Variants in CEP83 observed in about 807,000 individuals in gnomAD.
CEP83 encodes the protein centrosomal protein 83.
CEP83 carries 70 observed loss-of-function variants against 101.9 expected under a neutral mutation model. That is an observed-to-expected ratio of 0.69 (90% CI 0.57 to 0.84). The LOEUF (loss-of-function observed/expected upper bound fraction) is 0.84. CEP83 is among the 40% of genes least tolerant of loss of function. The probability of loss-of-function intolerance (pLI) is 0.00; values close to 1 mark genes in which losing one functional copy is unlikely to be tolerated. For synonymous variants in CEP83, 264 were observed against 267.9 expected (o/e 0.99, Z 0.14); for missense variants, 715 against 787.2 (o/e 0.91, Z 1.10).
chr12:94,330,888 G>A (rs2059169254), intron 14 of CEP83, among the ~76,000 whole-genome samples: 1 of 152,028 alleles, frequency 6.6e-6, no homozygotes, highest in Non-Finnish European at 1.5e-5. Context: ...GGACAGTTTG[G>A]ATTTTCCCAA....
rs150182598 is a variant in CEP83 at position 94,394,270 on chromosome 12, A to G, written c.549+6580T>C. Among the ~76,000 whole-genome samples the G allele has an allele frequency of 4.6e-5, 7 of 152,310 alleles. 1 individual carries two copies. Among genetic ancestry groups the G allele is most frequent in the Admixed American group, 2.0e-4 (3 of 15,300 alleles). On this transcript the variant is annotated intron_variant, in intron 6 of 16. Transcript: ENST00000397809. ...AAACAGCTTTTGGTACTGGTACCAA[A>G]ACAGAGATATAGACCAATGGAACAG...
the CEP83 span, chr12:94,300,789 C>A: frequency 1.3e-6 from 1 of 757,892 alleles, no homozygotes; most frequent in South Asian, 3.0e-5. Context: ...GTATGTTTGG[C>A]TAAGCAGAGT....
At chr12:94,266,282 T>G in the CEP83 span, among the ~76,000 whole-genome samples, 1 of 152,176 alleles carries the variant, frequency 6.6e-6, no homozygotes, top group Non-Finnish European at 1.5e-5. Flanking sequence ...CACTGCCAGA[T>G]GCGGCTCACT....
At chr12:94,343,110 T>C (rs903365640) in intron 11 of CEP83, among the ~76,000 whole-genome samples, 1 of 150,336 alleles carries the variant, frequency 6.7e-6, no homozygotes, top group African/African-American at 2.5e-5. Context: ...TGTATATATA[T>C]ATAGAACTTC....
At chr12:94,312,684 T>C in intron 15 of CEP83, 1 of 985,402 alleles carries the variant, frequency 1.0e-6, no homozygotes, top group Non-Finnish European at 1.2e-6. Context: ...TGACATTTTC[T>C]GTTAGTCCCA....
At chr12:94,413,589 T>C (rs1309459528) in intron 2 of CEP83, among the ~76,000 whole-genome samples, 1 of 152,164 alleles carries the variant, frequency 6.6e-6, no homozygotes, top group Non-Finnish European at 1.5e-5. Context: ...AGACTACAGA[T>C]TCACATGAGA....
chr12:94,404,855 C>T (rs1173209352), intron 4 of CEP83, among the ~76,000 whole-genome samples: 4 of 152,162 alleles, frequency 2.6e-5, no homozygotes, highest in Admixed American at 6.5e-5. Flanking sequence ...TACAGATACA[C>T]AAGCATGTAT....
chr12:94,427,843 C>T (rs531334088), intron 2 of CEP83, among the ~76,000 whole-genome samples: 1 of 152,270 alleles, frequency 6.6e-6, no homozygotes, highest in South Asian at 2.1e-4. Context: ...GATAATCCTG[C>T]ACTAGTCACC....
At chr12:94,335,734 G>T in intron 11 of CEP83, 70 bp from the exon 12 acceptor site, 1 of 1,024,372 alleles carries the variant, frequency 9.8e-7, no homozygotes, top group South Asian at 1.5e-5. Context: ...GAATTAAAGA[G>T]TCATTTTATT....
chr12:94,356,304 A>T (rs2060471726), intron 11 of CEP83, among the ~76,000 whole-genome samples: 1 of 152,214 alleles, frequency 6.6e-6, no homozygotes, highest in Non-Finnish European at 1.5e-5. Context: ...AGTATAGTGA[A>T]GTAACAGAAG....
At chr12:94,300,334 T>A in the CEP83 span, among the ~76,000 whole-genome samples, 37 of 152,194 alleles carry the variant, frequency 2.4e-4, no homozygotes, top group African/African-American at 8.2e-4. Context: ...GGAGAGGGCA[T>A]AAACCATGAG....
chr12:94,355,684 T>A (rs745442322), intron 11 of CEP83, among the ~76,000 whole-genome samples: 6 of 152,168 alleles, frequency 3.9e-5, no homozygotes, highest in Non-Finnish European at 7.3e-5. Flanking sequence ...ATGGCCATAA[T>A]GTCCAAGCTG....
intron 14 of CEP83, among the ~76,000 whole-genome samples, chr12:94,318,046 A>G (rs1181818751): frequency 1.3e-5 from 2 of 152,150 alleles, no homozygotes; most frequent in Admixed American, 6.6e-5. Context: ...GATTCTTCCT[A>G]TCCATGAGCA....
At chr12:94,322,991 G>A (rs747590934) in intron 14 of CEP83, among the ~76,000 whole-genome samples, 1 of 152,138 alleles carries the variant, frequency 6.6e-6, no homozygotes, top group Non-Finnish European at 1.5e-5. Flanking sequence ...TAGGGTGGCT[G>A]CAATGAAGGC....
At chr12:94,404,140 T>C (rs2063408546) in intron 4 of CEP83, among the ~76,000 whole-genome samples, 1 of 152,146 alleles carries the variant, frequency 6.6e-6, no homozygotes, top group South Asian at 2.1e-4. Flanking sequence ...GCACACAAGG[T>C]ATCTAAATAA....
chr12:94,298,658 A>G, the CEP83 span: 1 of 1,601,106 alleles, frequency 6.2e-7, no homozygotes, highest in Non-Finnish European at 8.5e-7. Context: ...TGCTTGAAAA[A>G]CTTTTTAGAA....
At chr12:94,460,363 C>T (rs2068055645), upstream of CEP83, 1 of 152,980 alleles carries the variant, frequency 6.5e-6, no homozygotes, top group Non-Finnish European at 1.5e-5. Context: ...ACCTCTCTCC[C>T]TTCGCCAGCC....
chr12:94,386,016 T>C (rs7969799), intron 6 of CEP83, among the ~76,000 whole-genome samples: 3,952 of 152,306 alleles, frequency 0.026, 189 homozygotes, highest in African/African-American at 0.091. Flanking sequence ...TGTAGTATAC[T>C]GTGCCATCTA....
rs1052514283 is a variant in CEP83, at chr12:94,407,493, G to A, written c.324+4204C>T. Among the ~76,000 whole-genome samples, 9 of 152,240 alleles carry A rather than the reference G, an allele frequency of 5.9e-5. 1 individual carries two copies. The highest frequency in any genetic ancestry group is 2.2e-4 in the African/African-American group (9 of 41,538). On this transcript the variant is annotated intron_variant, in intron 4 of 16. Coordinates refer to ENST00000397809, the MANE Select transcript of CEP83 (RefSeq NM_016122.3). ...TTATATGTTCAATTACATCACAGAT[G>A]CCTCTTGGAAACAACAGTGCTTTAA...
Sources: allele counts gnomAD v4.1 joint callset (sites outside exome capture counted in the v4.1 genomes callset), GRCh38; gene constraint gnomAD v4.1.1; transcripts MANE v1.5; gene names NCBI Gene and HGNC (gene_info 2026-07-23, HGNC 2026-07-21).